NRDC: variants seen among roughly 807,000 people sequenced by gnomAD.
NRDC encodes the protein nardilysin.
Under a neutral mutation model 147.1 loss-of-function variants are expected in NRDC, and 54 were observed. The observed-to-expected ratio is 0.37, with a 90% CI of 0.29 to 0.46. The LOEUF is 0.46. NRDC is among the 20% of genes least tolerant of loss of function. The pLI is 1.00. For missense variants in NRDC, 1,082 were observed against 1,370.6 expected, an observed-to-expected ratio of 0.79 and a Z score of 3.33; for synonymous variants, 440 against 482.1, an observed-to-expected ratio of 0.91 and a Z score of 1.14.
intron 17 of NRDC, among the ~76,000 whole-genome samples, chr1:51,807,114 G>C (rs1479496287): frequency 6.6e-6 from 1 of 152,102 alleles, no homozygotes; most frequent in Non-Finnish European, 1.5e-5. Flanking sequence ...TAAAGATCTG[G>C]AATTTCCCAA....
intron 27 of NRDC, 107 bp from the exon 28 acceptor site, chr1:51,791,097 T>C: frequency 1.3e-6 from 1 of 746,384 alleles, no homozygotes; most frequent in Non-Finnish European, 2.2e-6. Context: ...GACTAAGACA[T>C]ATATCCAGGA....
intron 22 of NRDC, among the ~76,000 whole-genome samples, chr1:51,797,025 C>A (rs185000749): frequency 6.6e-6 from 1 of 151,786 alleles, no homozygotes; most frequent in Non-Finnish European, 1.5e-5. Context: ...ACGGTGAAAT[C>A]CCATCTCTGC....
chr1:51,850,278 C>CA, intron 1 of NRDC, among the ~76,000 whole-genome samples: 1 of 152,148 alleles, frequency 6.6e-6, no homozygotes, highest in East Asian at 1.9e-4. Context: ...CAATGAAAGC[C>CA]AAGAGTTTCT....
At chr1:51,790,845 T>G (rs1351659009) in intron 28 of NRDC, 55 bp downstream of exon 28, 29 of 1,447,022 alleles carry the variant, frequency 2.0e-5, no homozygotes, top group Non-Finnish European at 2.8e-5. Context: ...TGTTAAGATT[T>G]GTATCTGGGG....
chr1:51,844,781 AG>A (rs1365625647), intron 1 of NRDC, among the ~76,000 whole-genome samples: 2 of 82,730 alleles, frequency 2.4e-5, no homozygotes, highest in Non-Finnish European at 4.6e-5. Context: ...GGGAGGGGGG[AG>A]GGGGGAAGGG....
At chr1:51,806,309 ATTC>A (rs1379328039) in intron 18 of NRDC, among the ~76,000 whole-genome samples, 2 of 152,172 alleles carry the variant, frequency 1.3e-5, no homozygotes, top group African/African-American at 2.4e-5. Flanking sequence ...TCCTTTGTGT[ATTC>A]TTATCTCTTT....
At chr1:51,802,219 CTT>C (rs1679243507) in intron 20 of NRDC, among the ~76,000 whole-genome samples, 1 of 152,098 alleles carries the variant, frequency 6.6e-6, no homozygotes, top group African/African-American at 2.4e-5. Flanking sequence ...GTTGTGGTGA[CTT>C]ATGATCATCA....
chr1:51,825,165 A>G, intron 6 of NRDC, 122 bp downstream of exon 6: 1 of 674,402 alleles, frequency 1.5e-6, no homozygotes, highest in Non-Finnish European at 2.5e-6. Context: ...CTAACTAGCT[A>G]TCCTAAAAGG....
intron 1 of NRDC, among the ~76,000 whole-genome samples, chr1:51,863,614 G>C (rs1434001055): frequency 6.6e-6 from 1 of 152,080 alleles, no homozygotes; most frequent in Non-Finnish European, 1.5e-5. Context: ...TATAGTTTCA[G>C]AAGTGCCTTC....
At chr1:51,871,737 C>T (rs930810526) in intron 1 of NRDC, among the ~76,000 whole-genome samples, 1 of 152,090 alleles carries the variant, frequency 6.6e-6, no homozygotes, top group African/African-American at 2.4e-5. Flanking sequence ...TATCCCTATT[C>T]TAGCACCTAT....
At chr1:51,800,750 T>A in intron 20 of NRDC, 67 bp from the exon 21 acceptor site, 1 of 1,531,858 alleles carries the variant, frequency 6.5e-7, no homozygotes, top group Non-Finnish European at 8.9e-7. Flanking sequence ...GAGGGAAATG[T>A]TTCTCTTTGG....
At chr1:51,868,299 A>C (rs951477867) in intron 1 of NRDC, among the ~76,000 whole-genome samples, 1 of 152,172 alleles carries the variant, frequency 6.6e-6, no homozygotes, top group African/African-American at 2.4e-5. Flanking sequence ...ATTGAAAGAA[A>C]ACAGAAAAGA....
chr1:51,869,809 T>A (rs571745995), intron 1 of NRDC, among the ~76,000 whole-genome samples: 2 of 152,300 alleles, frequency 1.3e-5, no homozygotes, highest in East Asian at 3.9e-4. Flanking sequence ...ATATACAATA[T>A]CAGCATACGC....
intron 1 of NRDC, among the ~76,000 whole-genome samples, chr1:51,844,239 C>T (rs1051916028): frequency 3.9e-5 from 6 of 152,176 alleles, no homozygotes; most frequent in Admixed American, 3.9e-4. Flanking sequence ...TGTGTTCCCC[C>T]CAAAATCCTA....
intron 13 of NRDC, 106 bp from the exon 14 acceptor site, chr1:51,814,195 T>G: frequency 1.4e-6 from 1 of 696,882 alleles, no homozygotes; most frequent in South Asian, 1.8e-5. Context: ...TATTGGGTAG[T>G]AGGCTTAGTA....
intron 1 of NRDC, among the ~76,000 whole-genome samples, chr1:51,875,594 T>C (rs112720576): frequency 0.015 from 2,323 of 151,076 alleles, 65 homozygotes; most frequent in African/African-American, 0.053. Flanking sequence ...AGTGTCTCAC[T>C]GCCACCCAGG....
At chr1:51,869,579 T>C (rs182530172) in intron 1 of NRDC, among the ~76,000 whole-genome samples, 73 of 152,340 alleles carry the variant, frequency 4.8e-4, no homozygotes, top group Non-Finnish European at 1.0e-4. Context: ...TTTCAACATA[T>C]AAAATCACCT....
intron 1 of NRDC, chr1:51,862,393 C>T (rs2124083841): frequency 6.6e-6 from 1 of 151,438 alleles, no homozygotes; most frequent in South Asian, 2.1e-4. Context: ...GCAGTACAGC[C>T]TGGGTGACAC....
intron 3 of NRDC, among the ~76,000 whole-genome samples, chr1:51,834,385 GCCTCCTGGGTTCAAGTGATTCTTGAA>G (rs553678198): frequency 2.6e-4 from 40 of 151,972 alleles, no homozygotes; most frequent in Admixed American, 4.6e-4. Context: ...TGCAAACTCT[GCCTCCTGGGTTCAAGTGATTCTTGAA>G]CCTCCTGGGT....
Sources: gnomAD v4.1 joint callset for allele counts (sites outside exome capture counted in the v4.1 genomes callset) on GRCh38, gnomAD v4.1.1 for gene constraint, MANE v1.5 for transcripts, NCBI Gene and HGNC (gene_info 2026-07-23, HGNC 2026-07-21) for gene names.